Variants in DDC observed in about 807,000 individuals in gnomAD.
The protein encoded by DDC is aromatic-L-amino-acid decarboxylase.
In DDC, 43 loss-of-function variants were observed where a neutral mutation model predicts 60.0. The observed-to-expected ratio is 0.72, with a 90% CI of 0.56 to 0.92. The LOEUF is 0.92. DDC is among the 40% of genes least tolerant of loss of function. DDC has a pLI of 0.00. For synonymous variants in DDC, 232 were observed against 234.6 expected (o/e 0.99, Z 0.10); for missense variants, 573 against 620.2 (o/e 0.92, Z 0.81).
chr7:50,531,431 A>G (rs1407308424), intron 4 of DDC, among the ~76,000 whole-genome samples: 1 of 152,140 alleles, frequency 6.6e-6, no homozygotes, highest in Admixed American at 6.5e-5. Context: ...GATGCTTGAC[A>G]AGCAGGCGTG....
At chr7:50,536,046 C>T (rs1449630924) in intron 4 of DDC, among the ~76,000 whole-genome samples, 1 of 152,182 alleles carries the variant, frequency 6.6e-6, no homozygotes, top group Non-Finnish European at 1.5e-5. Context: ...AACCTGCCTC[C>T]CATTCTATTC....
At chr7:50,538,136 T>A (rs2044480249) in intron 3 of DDC, among the ~76,000 whole-genome samples, 157 bp from the exon 4 acceptor site, 1 of 152,086 alleles carries the variant, frequency 6.6e-6, no homozygotes, top group African/African-American at 2.4e-5. Context: ...TGACCTAGAA[T>A]CATGCAAGGA....
chr7:50,480,954 G>A (rs977071268), intron 9 of DDC, among the ~76,000 whole-genome samples: 17 of 152,178 alleles, frequency 1.1e-4, no homozygotes, highest in African/African-American at 3.9e-4. Context: ...TGTGCTTTAC[G>A]GTAATTGCCA....
At position 50,537,980 on chromosome 7, in the gene DDC, C is replaced by G. The variant is rs760419372; in HGVS notation, c.316-1G>C. 6.2e-7 allele frequency: 1 copy of G among 1,614,184 alleles called. No individual in the cohort carries two copies. The highest frequency in any genetic ancestry group is 8.5e-7 in the Non-Finnish European group (1 of 1,180,032). On this transcript the variant is annotated splice_acceptor_variant, in intron 3 of 14. Transcript: ENST00000444124. LOFTEE classifies it high-confidence loss of function. The stretch of plus-strand genomic sequence containing the variant: ...GCTCTGTGCATGCTGGGCTTGCCGC[C>G]TGTCGTGGGGGAAGGGAAGGGATTA...
chr7:50,462,603 C>T (rs2042302389), intron 14 of DDC, among the ~76,000 whole-genome samples: 1 of 152,104 alleles, frequency 6.6e-6, no homozygotes, highest in Non-Finnish European at 1.5e-5. Flanking sequence ...CTTATATGAG[C>T]TTGTTATGAT....
intron 7 of DDC, among the ~76,000 whole-genome samples, chr7:50,500,509 G>A (rs1054144966): frequency 6.6e-6 from 1 of 152,144 alleles, no homozygotes; most frequent in African/African-American, 2.4e-5. Flanking sequence ...CTACAGGCAT[G>A]GACATCCCAT....
intron 1 of DDC, among the ~76,000 whole-genome samples, chr7:50,555,170 G>A (rs1165671413): frequency 2.6e-5 from 4 of 152,120 alleles, no homozygotes; most frequent in South Asian, 2.1e-4. Flanking sequence ...CCAGTGTCAC[G>A]GGGATGGTGG....
chr7:50,485,785 G>A (rs11575437), intron 9 of DDC, among the ~76,000 whole-genome samples: 2,016 of 152,200 alleles, frequency 0.013, 50 homozygotes, highest in African/African-American at 0.047. Flanking sequence ...AAGCCTCTGA[G>A]TAGAGATTCT....
intron 9 of DDC, among the ~76,000 whole-genome samples, chr7:50,492,341 T>C (rs1244759900): frequency 6.6e-6 from 1 of 152,228 alleles, no homozygotes; most frequent in Non-Finnish European, 1.5e-5. Flanking sequence ...ATTCATGCCA[T>C]TTTTATAGTG....
chr7:50,483,939 G>A (rs2042826255), intron 9 of DDC, among the ~76,000 whole-genome samples: 1 of 151,652 alleles, frequency 6.6e-6, no homozygotes, highest in South Asian at 2.1e-4. Context: ...GGGTATTTCT[G>A]CTGTAAGAAA....
intron 4 of DDC, among the ~76,000 whole-genome samples, chr7:50,537,469 C>A (rs1011875056): frequency 3.9e-5 from 6 of 152,192 alleles, no homozygotes; most frequent in Non-Finnish European, 8.8e-5. Flanking sequence ...CTAAAATGCA[C>A]AGTGTTGTTG....
chr7:50,477,917 C>T (rs554241299), intron 10 of DDC, among the ~76,000 whole-genome samples: 44 of 151,958 alleles, frequency 2.9e-4, no homozygotes, highest in Non-Finnish European at 1.5e-4. Flanking sequence ...AAGAAATTGT[C>T]GACGCCAGGC....
rs2045402870 is a variant in DDC at position 50,565,310 on chromosome 7, G to C, written c.-54C>G. 1 of 152,224 alleles carries C rather than the reference G, an allele frequency of 6.6e-6. No homozygotes were observed. The highest frequency in any genetic ancestry group is 2.1e-4 in the South Asian group (1 of 4,824). 9.4% of individuals were successfully genotyped at this position (152,224 alleles called of 1,614,324 possible). ...ATGCTGGAAATTCGAATTCCTTACA[G>C]GGCTACTCTCCTTGATGGGATTCTC... On this transcript the variant is annotated 5_prime_UTR_variant, in exon 1 of 15. Transcript: ENST00000444124.
In DDC at chr7:50,460,078, C is replaced by T. The variant is rs866725518; in HGVS notation, c.*19-1235G>A. On this transcript the variant is annotated intron_variant, in intron 14 of 14. Transcript: ENST00000444124. Reference sequence around the variant, plus strand: ...AGGTGGGGGGGGTCAGCCCCCCGCCCGGCCAGCCGCCCCATCCGGGAGGTG... The same window carrying T: ...AGGTGGGGGGGGTCAGCCCCCCGCCTGGCCAGCCGCCCCATCCGGGAGGTG... Among the ~76,000 whole-genome samples, 154 of 143,824 alleles carry T rather than the reference C, an allele frequency of 1.1e-3. 6 individuals carry two copies. Among genetic ancestry groups the T allele is most frequent in the African/African-American group, 2.5e-3 (94 of 37,018 alleles). The allele number at this position is 143,824 out of a possible 152,430, so 94.4% of individuals were successfully genotyped here. A position where few individuals can be genotyped will look rare whatever the true frequency, so the allele number is the denominator to read the frequency against.
chr7:50,490,638 G>A (rs1334311895), intron 9 of DDC, among the ~76,000 whole-genome samples: 3 of 151,770 alleles, frequency 2.0e-5, no homozygotes, highest in East Asian at 3.9e-4. Flanking sequence ...CCACTGAGCC[G>A]AGATCATGCC....
chr7:50,506,700 C>T (rs577212558), intron 6 of DDC, among the ~76,000 whole-genome samples: 21 of 152,306 alleles, frequency 1.4e-4, no homozygotes, highest in African/African-American at 4.6e-4. Context: ...GGCTGGAGGC[C>T]CAACTCCATG....
intron 14 of DDC, among the ~76,000 whole-genome samples, chr7:50,461,969 T>A (rs550865467): frequency 6.6e-6 from 1 of 152,152 alleles, no homozygotes; most frequent in Admixed American, 6.5e-5. Flanking sequence ...CATGGACAGG[T>A]CTATCACATA....
At chr7:50,511,052 TACAC>T (rs377138071) in intron 6 of DDC, among the ~76,000 whole-genome samples, 1,505 of 139,022 alleles carry the variant, frequency 0.011, 16 homozygotes, top group African/African-American at 0.021. Flanking sequence ...GATATATCTA[TACAC>T]ACACACACAC....
intron 13 of DDC, among the ~76,000 whole-genome samples, chr7:50,464,639 T>A (rs1232297299): frequency 6.6e-6 from 1 of 152,174 alleles, no homozygotes; most frequent in Non-Finnish European, 1.5e-5. Context: ...GGGCAGTACT[T>A]CCATGAAGTA....
Sources: allele counts gnomAD v4.1 joint callset (sites outside exome capture counted in the v4.1 genomes callset), GRCh38; gene constraint gnomAD v4.1.1; transcripts MANE v1.5; gene names NCBI Gene and HGNC (gene_info 2026-07-23, HGNC 2026-07-21).